DIP2C: variants seen among roughly 807,000 people sequenced by gnomAD.
DIP2C encodes DIP2 acetate--CoA ligase C (putative).
In DIP2C, 33 loss-of-function variants were observed where a neutral mutation model predicts 192.4. The ratio of observed to expected loss-of-function variants is 0.17; its 90% CI spans 0.13 to 0.23. The LOEUF is 0.23. Ranked by LOEUF, DIP2C falls within the 10% of genes least tolerant of loss-of-function variation. The pLI is 1.00. For missense variants in DIP2C, 1,537 were observed against 2,110.1 expected, an observed-to-expected ratio of 0.73 and a Z score of 5.32; for synonymous variants, 979 against 864.1, an observed-to-expected ratio of 1.13 and a Z score of -2.33.
At chr10:460,642 A>T (rs1300819840) in intron 3 of DIP2C, among the ~76,000 whole-genome samples, 1 of 152,214 alleles carries the variant, frequency 6.6e-6, no homozygotes, top group Non-Finnish European at 1.5e-5. Context: ...TCAGGATATT[A>T]TCCAGGAGAA....
intron 32 of DIP2C, among the ~76,000 whole-genome samples, chr10:305,869 C>T (rs1956291945): frequency 6.6e-6 from 1 of 152,098 alleles, no homozygotes; most frequent in South Asian, 2.1e-4. Context: ...TGCCCTCAAA[C>T]CTCTTGGGCT....
Position 288,451 on chromosome 10 carries a change from A to G in DIP2C, c.3987-30T>C, listed in dbSNP as rs368834693. On this transcript the variant is annotated intron_variant, in intron 32 of 36. Coordinates refer to ENST00000280886, the MANE Select transcript of DIP2C (RefSeq NM_014974.3). ...AAACAGAAAGAGAAAATATTCCTAG[A>G]TGTGTTTGCTGTCCAGTTTTCCCCT... 88 of 1,611,760 alleles carry G rather than the reference A, an allele frequency of 5.5e-5. No individual in the cohort carries two copies. The African/African-American group carries it at 1.1e-3, about 21-fold the overall frequency.
intron 3 of DIP2C, among the ~76,000 whole-genome samples, chr10:444,906 C>T (rs377120488): frequency 6.1e-4 from 93 of 152,318 alleles, no homozygotes; most frequent in Admixed American, 1.8e-3. Flanking sequence ...TTCTTTTACA[C>T]GGACACACAT....
At chr10:613,912 T>C (rs1302888945) in intron 1 of DIP2C, among the ~76,000 whole-genome samples, 1 of 152,066 alleles carries the variant, frequency 6.6e-6, no homozygotes, top group Non-Finnish European at 1.5e-5. Context: ...TGGAAACACC[T>C]GACCTCTTGT....
Position 588,886 on chromosome 10 carries a change from G to A in DIP2C, c.85+100608C>T, listed in dbSNP as rs541011532. Reference sequence around the variant, plus strand: ...GTAAATACCCAGGAGTGGGGTCACCGGGCCCCACGTTTGTGTGAGTTCAGT... The same window carrying A: ...GTAAATACCCAGGAGTGGGGTCACCAGGCCCCACGTTTGTGTGAGTTCAGT... On this transcript the variant is annotated intron_variant, in intron 1 of 36. Transcript: ENST00000280886. Among the ~76,000 whole-genome samples the A allele has an allele frequency of 6.6e-5, 10 of 152,280 alleles. No homozygotes were observed. In the South Asian group the frequency reaches 1.0e-3, roughly 16 times the overall value.
chr10:562,651 C>T (rs61831053), intron 1 of DIP2C, among the ~76,000 whole-genome samples: 10,982 of 152,254 alleles, frequency 0.072, 996 homozygotes, highest in African/African-American at 0.21. Flanking sequence ...CATTCCATTG[C>T]TAAACATTTA....
intron 22 of DIP2C, among the ~76,000 whole-genome samples, chr10:359,117 C>T (rs2132699812): frequency 6.6e-6 from 1 of 152,246 alleles, no homozygotes; most frequent in Middle Eastern, 3.4e-3. Flanking sequence ...GCTGACGGGG[C>T]AGTGGCACAG....
intron 3 of DIP2C, among the ~76,000 whole-genome samples, chr10:453,499 A>G (rs1456408736): frequency 1.3e-5 from 2 of 152,394 alleles, no homozygotes; most frequent in East Asian, 3.9e-4. Flanking sequence ...CTCAGCAGTC[A>G]GGACAGAGGG....
At chr10:297,676 A>AG (rs1955825866) in intron 32 of DIP2C, among the ~76,000 whole-genome samples, 1 of 152,166 alleles carries the variant, frequency 6.6e-6, no homozygotes, top group Non-Finnish European at 1.5e-5. Flanking sequence ...CTGGGAAGGG[A>AG]GGGATGGGGA....
At chr10:475,563 T>C (rs542412502) in intron 2 of DIP2C, among the ~76,000 whole-genome samples, 16 of 152,284 alleles carry the variant, frequency 1.1e-4, no homozygotes, top group African/African-American at 3.8e-4. Flanking sequence ...AGACCTTACA[T>C]GTCTGATCTC....
In DIP2C at chr10:363,317, G is replaced by T. The variant is rs369059125; in HGVS notation, c.2478-6C>A. The T allele has an allele frequency of 1.9e-5, 31 of 1,609,826 alleles. No homozygotes were observed. Among genetic ancestry groups the T allele is most frequent in the Middle Eastern group, 1.7e-4 (1 of 6,056 alleles). ...TCACCGAGAACACGGCTATCCTGCGGGGACACAGGAGCATGGTGAGCACGC... is the reference window on the plus strand; with the variant it reads ...TCACCGAGAACACGGCTATCCTGCGTGGACACAGGAGCATGGTGAGCACGC... On this transcript the variant is annotated splice_region_variant and splice_polypyrimidine_tract_variant and intron_variant, in intron 20 of 36. Transcript: ENST00000280886. This position sits in a 1 kb window ranked among gnomAD's most constrained non-coding sequence, Gnocchi z 5.4.
intron 3 of DIP2C, among the ~76,000 whole-genome samples, chr10:466,205 A>G (rs1481040336): frequency 6.6e-6 from 1 of 152,046 alleles, no homozygotes; most frequent in Non-Finnish European, 1.5e-5. Context: ...AGATCAATGG[A>G]ACAGAACAGA....
At chr10:392,171 A>T (rs955177382) in intron 10 of DIP2C, among the ~76,000 whole-genome samples, 11 of 152,150 alleles carry the variant, frequency 7.2e-5, no homozygotes, top group Non-Finnish European at 1.2e-4. Context: ...CACATTAGCA[A>T]ACGTCCCGAC....
At chr10:632,328 G>A (rs1458691553) in intron 1 of DIP2C, among the ~76,000 whole-genome samples, 6 of 152,074 alleles carry the variant, frequency 3.9e-5, no homozygotes, top group Admixed American at 3.9e-4. Context: ...AACCACGCGG[G>A]CACCAGCGTG....
chr10:600,102 A>AT (rs1851959333), intron 1 of DIP2C, among the ~76,000 whole-genome samples: 3 of 152,156 alleles, frequency 2.0e-5, no homozygotes. Flanking sequence ...CATAACTAAC[A>AT]TGTATTTATG....
At chr10:418,050 T>G (rs1244921224) in intron 6 of DIP2C, among the ~76,000 whole-genome samples, 4 of 26,250 alleles carry the variant, frequency 1.5e-4, no homozygotes, top group Admixed American at 3.2e-4. Flanking sequence ...CTGTCAGGGC[T>G]TCGATAGGCC....
chr10:409,274 T>C (rs564770270), intron 8 of DIP2C, among the ~76,000 whole-genome samples: 1 of 151,952 alleles, frequency 6.6e-6, no homozygotes, highest in African/African-American at 2.4e-5. Context: ...AAACCAAGTG[T>C]TGGCCTGTCT....
chr10:437,467 C>T (rs1967360708), intron 4 of DIP2C: 1 of 152,554 alleles, frequency 6.6e-6, no homozygotes, highest in Non-Finnish European at 1.5e-5. Context: ...TGGCCATGCT[C>T]CACTCACACC....
Position 379,536 on chromosome 10 carries a change from T to C in DIP2C, c.1991+3111A>G, listed in dbSNP as rs114700844. Among the ~76,000 whole-genome samples, 752 of 152,292 alleles carry C rather than the reference T, an allele frequency of 4.9e-3. 3 individuals carry two copies. Among genetic ancestry groups the C allele is most frequent in the Middle Eastern group, 0.014 (4 of 294 alleles). ...GACTGACTCATAGCCCAGATGTCCATGCTTGGCCCTGCTGGCACCTGCAGC... is the reference window on the plus strand; with the variant it reads ...GACTGACTCATAGCCCAGATGTCCACGCTTGGCCCTGCTGGCACCTGCAGC... On this transcript the variant is annotated intron_variant, in intron 17 of 36. Coordinates refer to ENST00000280886, the MANE Select transcript of DIP2C (RefSeq NM_014974.3).
Sources: gnomAD v4.1 joint callset for allele counts (sites outside exome capture counted in the v4.1 genomes callset) on GRCh38, gnomAD v4.1.1 for gene constraint, Gnocchi (gnomAD v3.1) non-coding constraint, MANE v1.5 for transcripts, NCBI Gene and HGNC (gene_info 2026-07-23, HGNC 2026-07-21) for gene names.